Variants in LNP1 observed in about 807,000 individuals in gnomAD.
LNP1 encodes the protein leukemia NUP98 fusion partner 1.
A neutral mutation model predicts 14.5 loss-of-function variants in LNP1; 12 were observed. That is an observed-to-expected ratio of 0.83 (90% confidence interval 0.53 to 1.34). The LOEUF (loss-of-function observed/expected upper bound fraction) is 1.34. Ranked by LOEUF, LNP1 falls within the 40% of genes most tolerant of loss-of-function variation. The probability of loss-of-function intolerance (pLI) is 0.00; values close to 1 mark genes in which losing one functional copy is unlikely to be tolerated. For synonymous variants in LNP1, 75 were observed against 71.4 expected, an observed-to-expected ratio of 1.05 and a Z score of -0.26; for missense variants, 198 against 210.9, an observed-to-expected ratio of 0.94 and a Z score of 0.38.
chr3:100,452,942 T>G (rs1272863185), intron 3 of LNP1, among the ~76,000 whole-genome samples: 2 of 152,176 alleles, frequency 1.3e-5, no homozygotes, highest in Non-Finnish European at 2.9e-5. Flanking sequence ...AGGTCTTTGG[T>G]TTTTTGTTTT....
At chr3:100,444,443 C>T (rs943562375) in intron 2 of LNP1, among the ~76,000 whole-genome samples, 5 of 152,166 alleles carry the variant, frequency 3.3e-5, no homozygotes, top group African/African-American at 1.2e-4. Context: ...GAAAACCAAA[C>T]ACCATTTTAT....
At chr3:100,445,571 C>T (rs984346034) in intron 2 of LNP1, among the ~76,000 whole-genome samples, 10 of 152,014 alleles carry the variant, frequency 6.6e-5, no homozygotes, top group East Asian at 1.9e-4. Flanking sequence ...GAGAGATACA[C>T]GATGTAAGAA....
At chr3:100,439,645 G>A (rs567325007) in intron 2 of LNP1, among the ~76,000 whole-genome samples, 68 of 151,912 alleles carry the variant, frequency 4.5e-4, no homozygotes, top group Non-Finnish European at 6.6e-4. Flanking sequence ...GTTTTACCCC[G>A]TTCTACCTTC....
At chr3:100,416,815 A>G (rs939220593) in intron 1 of LNP1, among the ~76,000 whole-genome samples, 1 of 150,400 alleles carries the variant, frequency 6.6e-6, no homozygotes, top group African/African-American at 2.5e-5. Context: ...TGTTGCACCT[A>G]TCAACCCATC....
Position 100,456,142 on chromosome 3 carries a change from G to C in LNP1, c.*216G>C. ...CAATTACTGCTGGCATCTTAGTTGA[G>C]AGTATAATCTGCTTGGTTGCCTTTT... On this transcript the variant is annotated 3_prime_UTR_variant, in exon 4 of 4. Transcript: ENST00000383693. 2.2e-6 allele frequency: 1 copy of C among 459,504 alleles called. No homozygotes were observed. The highest frequency in any genetic ancestry group is 3.9e-6 in the Non-Finnish European group (1 of 257,140). The allele number at this position is 459,504 out of a possible 1,614,324, so 28.5% of individuals were successfully genotyped here.
At chr3:100,410,186 G>A (rs1048778190) in intron 1 of LNP1, among the ~76,000 whole-genome samples, 2 of 152,178 alleles carry the variant, frequency 1.3e-5, no homozygotes, top group African/African-American at 4.8e-5. Flanking sequence ...CAACATTGTT[G>A]TGAGGGAAGT....
chr3:100,418,481 T>G (rs1707110713), intron 1 of LNP1, among the ~76,000 whole-genome samples: 1 of 152,156 alleles, frequency 6.6e-6, no homozygotes, highest in Non-Finnish European at 1.5e-5. Flanking sequence ...TATTCTCATT[T>G]TTAAAACAGA....
rs758175216 is a variant in LNP1, at chr3:100,455,865, C to G, written c.476C>G (p.Ser159Cys). ...AAGAAAGTAGAGGAAGAAAGGAGCT[C>G]TAGGAAAGAAGAGCATGGAGAAGCA... is the stretch of plus-strand genomic sequence containing the variant. Reference protein sequence around the residue: ...SRKKVEEERSSRKEEHGEAHM... With the variant: ...SRKKVEEERSCRKEEHGEAHM... Residue 159 changes from serine to cysteine, a missense_variant, in exon 4 of 4, where the codon TCT (serine) becomes TGT (cysteine). By Grantham distance (112) the Ser-to-Cys change is moderately radical. Coordinates refer to ENST00000383693, the MANE Select transcript of LNP1 (RefSeq NM_001085451.2). The G allele has an allele frequency of 6.2e-7, 1 of 1,613,972 alleles. No individual in the cohort carries two copies. The highest frequency in any genetic ancestry group is 8.5e-7 in the Non-Finnish European group (1 of 1,179,894).
intron 1 of LNP1, among the ~76,000 whole-genome samples, chr3:100,418,054 A>T (rs762544317): frequency 2.2e-5 from 3 of 139,024 alleles, no homozygotes; most frequent in Non-Finnish European, 3.1e-5. Context: ...TTCATTTCTC[A>T]TACCATTTTT....
chr3:100,455,072 C>G (rs1318724598), intron 3 of LNP1, among the ~76,000 whole-genome samples: 2 of 152,168 alleles, frequency 1.3e-5, no homozygotes, highest in Non-Finnish European at 2.9e-5. Flanking sequence ...ACCCCCCCAC[C>G]CTCCAGTAGG....
At chr3:100,413,605 A>G (rs1707050779) in intron 1 of LNP1, among the ~76,000 whole-genome samples, 1 of 152,200 alleles carries the variant, frequency 6.6e-6, no homozygotes, top group African/African-American at 2.4e-5. Context: ...TCATTTGTAA[A>G]TGCAGAATTG....
At chr3:100,402,745 T>G (rs1397027400) in intron 1 of LNP1, among the ~76,000 whole-genome samples, 1 of 151,628 alleles carries the variant, frequency 6.6e-6, no homozygotes, top group Non-Finnish European at 1.5e-5. Context: ...TATTTGAAGT[T>G]TTTTTTTTAA....
chr3:100,426,587 C>T (rs1404479150), intron 1 of LNP1, among the ~76,000 whole-genome samples: 4 of 152,314 alleles, frequency 2.6e-5, no homozygotes, highest in Non-Finnish European at 2.9e-5. Flanking sequence ...GTCAGACAGA[C>T]ACCTGATTAT....
intron 2 of LNP1, 111 bp from the exon 3 acceptor site, chr3:100,451,608 A>C: frequency 1.6e-6 from 1 of 621,600 alleles, no homozygotes; most frequent in Middle Eastern, 2.8e-4. Context: ...CAAAGATAAT[A>C]TATCAATTCA....
At chr3:100,438,969 A>G (rs1042778439) in intron 2 of LNP1, among the ~76,000 whole-genome samples, 7 of 151,866 alleles carry the variant, frequency 4.6e-5, no homozygotes, top group African/African-American at 1.7e-4. Flanking sequence ...TAGAGCTCGC[A>G]TAGCAAGTAA....
intron 1 of LNP1, among the ~76,000 whole-genome samples, chr3:100,423,016 G>A (rs1707159468): frequency 6.6e-6 from 1 of 151,884 alleles, no homozygotes; most frequent in African/African-American, 2.4e-5. Context: ...AATATACAAG[G>A]AAATGGATGA....
rs1304460715 is a variant in LNP1, at chr3:100,418,061, T to C, written c.-33-11636T>C. On this transcript the variant is annotated intron_variant, in intron 1 of 3. Coordinates refer to ENST00000383693, the MANE Select transcript of LNP1 (RefSeq NM_001085451.2). ...TTTGTTCTTTCATTTCTCATACCAT[T>C]TTTTTTTTTTTTTTTTGAGATGGAA... is the stretch of plus-strand genomic sequence containing the variant. Among the ~76,000 whole-genome samples the C allele has an allele frequency of 1.2e-3, 172 of 145,746 alleles. 16 individuals are homozygous for C. The highest frequency in any genetic ancestry group is 7.1e-3 in the Middle Eastern group (2 of 280).
intron 1 of LNP1, among the ~76,000 whole-genome samples, chr3:100,404,978 G>C (rs1355098501): frequency 1.3e-5 from 2 of 151,892 alleles, no homozygotes; most frequent in East Asian, 3.9e-4. Context: ...ATTTTTAGTA[G>C]AGACGGGGTT....
chr3:100,439,838 T>G (rs1707329531), intron 2 of LNP1, among the ~76,000 whole-genome samples: 1 of 152,168 alleles, frequency 6.6e-6, no homozygotes, highest in Non-Finnish European at 1.5e-5. Context: ...ATATAGAGAT[T>G]TACCTTAGGT....
Sources: gnomAD v4.1 joint callset for allele counts (sites outside exome capture counted in the v4.1 genomes callset) on GRCh38, gnomAD v4.1.1 for gene constraint, MANE v1.5 for transcripts, NCBI Gene and HGNC (gene_info 2026-07-23, HGNC 2026-07-21) for gene names.